The following CHD9 variants were observed in gnomAD, a reference collection of about 807,000 sequenced individuals.
CHD9 encodes the protein chromodomain helicase DNA binding protein 9.
In CHD9, 77 loss-of-function variants were observed where a neutral mutation model predicts 316.1. The observed-to-expected ratio is 0.24, with a 90% CI of 0.20 to 0.29. The LOEUF is 0.29. CHD9 is among the 10% of genes least tolerant of loss of function. The pLI, the probability that CHD9 is intolerant of heterozygous loss-of-function variation, is 1.00. For synonymous variants in CHD9, 1,129 were observed against 1,158.3 expected (o/e 0.97, Z 0.51); for missense variants, 2,763 against 3,438.1 (o/e 0.80, Z 4.91).
At chr16:53,099,705 C>T (rs1226724965) in intron 1 of CHD9, among the ~76,000 whole-genome samples, 4 of 152,188 alleles carry the variant, frequency 2.6e-5, no homozygotes, top group Admixed American at 6.5e-5. Flanking sequence ...AGTCACACAC[C>T]TCCCAGTCAG....
Position 53,292,856 on chromosome 16 carries a change from A to G in CHD9, c.5314A>G (p.Lys1772Glu), listed in dbSNP as rs759355965. Reference protein sequence around the residue: ...DGDGQLMEGDKVYWPTQSALT... With the variant: ...DGDGQLMEGDEVYWPTQSALT... ...AGATGGTCAACTGATGGAGGGTGAT[A>G]AAGTATATTGGCCTACTCAATCAGC... The change falls in exon 29 of 39, where the codon AAA (lysine) becomes GAA (glutamate). Residue 1772 changes from lysine (K) to glutamate (E), a missense_variant. This residue lies in a region of CHD9 where 183 missense variants were observed against 258.5 expected (regional missense o/e 0.71). Coordinates refer to ENST00000447540, the MANE Select transcript of CHD9 (RefSeq NM_001308319.2). 3 of 1,613,592 alleles carry G rather than the reference A, an allele frequency of 1.9e-6. No homozygotes were observed. The Admixed American group carries it at 5.0e-5, about 27-fold the overall frequency.
intron 30 of CHD9, among the ~76,000 whole-genome samples, chr16:53,302,879 T>C (rs1456045049): frequency 2.0e-5 from 3 of 152,210 alleles, no homozygotes; most frequent in Non-Finnish European, 2.9e-5. Context: ...TAACCCACTT[T>C]TGCAAAGGCA....
At chr16:53,178,001 A>G (rs2043201597) in intron 2 of CHD9, among the ~76,000 whole-genome samples, 1 of 152,200 alleles carries the variant, frequency 6.6e-6, no homozygotes, top group Non-Finnish European at 1.5e-5. Context: ...CTAAGCATGC[A>G]CATACTGGCA....
intron 2 of CHD9, among the ~76,000 whole-genome samples, chr16:53,158,883 C>G (rs1051670934): frequency 5.3e-5 from 8 of 152,176 alleles, no homozygotes; most frequent in African/African-American, 1.9e-4. Flanking sequence ...CCAGTCCACT[C>G]TCCTCGGCCT....
At chr16:53,123,171 CTTTT>C (rs61290396) in intron 1 of CHD9, among the ~76,000 whole-genome samples, 1 of 143,894 alleles carries the variant, frequency 6.9e-6, no homozygotes, top group Non-Finnish European at 1.5e-5. Flanking sequence ...CCTGGAATCA[CTTTT>C]TTTTTTTTTT....
chr16:53,227,366 C>G lies in CHD9; in HGVS notation c.2044-30C>G, dbSNP rs753993932. On this transcript the variant is annotated intron_variant, in intron 5 of 38. Transcript: ENST00000447540. ...ACTAAAAGATCTTTCAGAATGTGTTCTGTCATTATTTCTTTCCTCCCTCCC... is the reference window on the plus strand; with the variant it reads ...ACTAAAAGATCTTTCAGAATGTGTTGTGTCATTATTTCTTTCCTCCCTCCC... 4 of 1,433,958 alleles carry G rather than the reference C, an allele frequency of 2.8e-6. No individual in the cohort carries two copies. In the Admixed American group the frequency reaches 8.6e-5, roughly 31 times the overall value. 88.8% of individuals were successfully genotyped at this position (1,433,958 alleles called of 1,614,324 possible). A position where few individuals can be genotyped will look rare whatever the true frequency, so the allele number is the denominator to read the frequency against.
At chr16:53,204,056 TATAC>T (rs1237796011) in intron 2 of CHD9, among the ~76,000 whole-genome samples, 8,504 of 110,518 alleles carry the variant, frequency 0.077, 398 homozygotes, top group South Asian at 0.15. Flanking sequence ...AAAATATATA[TATAC>T]ACACACACAC....
At chr16:53,175,178 A>T (rs955477842) in intron 2 of CHD9, among the ~76,000 whole-genome samples, 4 of 151,844 alleles carry the variant, frequency 2.6e-5, no homozygotes, top group African/African-American at 9.7e-5. Context: ...ATCACTACTC[A>T]TCTAGAACCT....
chr16:53,114,086 TAA>T (rs201295051), intron 1 of CHD9, among the ~76,000 whole-genome samples: 4 of 142,536 alleles, frequency 2.8e-5, no homozygotes, highest in Admixed American at 7.0e-5. Context: ...GTTTTTTCTT[TAA>T]AAAAAAAAAA....
intron 28 of CHD9, 62 bp from the exon 29 acceptor site, chr16:53,292,771 G>T (rs1159379466): frequency 7.4e-7 from 1 of 1,344,168 alleles, no homozygotes; most frequent in Non-Finnish European, 1.0e-6. Flanking sequence ...TAAAGTTGCT[G>T]CTTTTGTGAG....
chr16:53,276,089 C>T lies in CHD9; in HGVS notation c.4967+1787C>T, dbSNP rs145893146. ...CCACATCTTAACACTTACTCACTAG[C>T]CATCACCACTTTCATGCCCCCTCTT... On this transcript the variant is annotated intron_variant, in intron 24 of 38. Transcript: ENST00000447540. 6.6e-4 allele frequency among the ~76,000 whole-genome samples: 101 copies of T among 152,284 alleles called. 1 individual carries two copies. In the East Asian group the frequency reaches 0.019, roughly 28 times the overall value.
In CHD9 at chr16:53,303,734, A is replaced by G. The variant is rs770976534; in HGVS notation, c.5728A>G (p.Asn1910Asp). The change falls in exon 31 of 39, where the codon AAT becomes GAT. Residue 1910 changes from asparagine (N) to aspartate (D), a missense_variant. Around this residue, in one of 15 missense-constraint regions of CHD9, gnomAD observed 663 missense variants for 751.2 expected, o/e 0.88. Coordinates refer to ENST00000447540, the MANE Select transcript of CHD9 (RefSeq NM_001308319.2). ...TCAATATGTAGAATTGGTGGATCCA[A>G]ATATTTTTATCCAGCCCATCACAGA... ...LPSKEELVDP[N>D]IFIQPITEER... 2 of 1,598,308 alleles carry G rather than the reference A, an allele frequency of 1.3e-6. No individual in the cohort carries two copies. The highest frequency in any genetic ancestry group is 1.1e-5 in the South Asian group (1 of 88,192).
intron 13 of CHD9, among the ~76,000 whole-genome samples, chr16:53,244,683 TTC>T (rs1420013148): frequency 1.3e-5 from 2 of 152,180 alleles, no homozygotes; most frequent in Non-Finnish European, 2.9e-5. Flanking sequence ...TTAGAATGTT[TTC>T]TTTTTTTCTA....
At chr16:53,298,218 GCA>G (rs1567644499) in intron 30 of CHD9, 2 of 152,284 alleles carry the variant, frequency 1.3e-5, no homozygotes, top group Non-Finnish European at 2.9e-5. Flanking sequence ...CCTTCCAGTG[GCA>G]CCATGGGGAA....
At chr16:53,193,782 C>T (rs1287527267) in intron 2 of CHD9, among the ~76,000 whole-genome samples, 1 of 152,068 alleles carries the variant, frequency 6.6e-6, no homozygotes, top group Non-Finnish European at 1.5e-5. Flanking sequence ...CATTTAAATT[C>T]ACAGCAACCC....
chr16:53,238,997 T>A (rs906423437), intron 12 of CHD9, among the ~76,000 whole-genome samples: 4 of 152,192 alleles, frequency 2.6e-5, no homozygotes, highest in African/African-American at 9.6e-5. Context: ...CTTAAATGCC[T>A]GTTGAGGTGA....
chr16:53,212,920 G>T (rs187967609), intron 3 of CHD9, among the ~76,000 whole-genome samples: 2 of 152,198 alleles, frequency 1.3e-5, no homozygotes, highest in East Asian at 3.9e-4. Flanking sequence ...TATGCTTAGT[G>T]TTCAGTAAAT....
intron 1 of CHD9, among the ~76,000 whole-genome samples, chr16:53,065,082 A>C (rs961518148): frequency 7.9e-5 from 12 of 152,254 alleles, no homozygotes; most frequent in Non-Finnish European, 1.5e-5. Flanking sequence ...ACTTGTCAGC[A>C]CACTCTTTCT....
At chr16:53,302,297 C>G (rs1470868496) in intron 30 of CHD9, among the ~76,000 whole-genome samples, 1 of 152,102 alleles carries the variant, frequency 6.6e-6, no homozygotes, top group Non-Finnish European at 1.5e-5. Flanking sequence ...GACTTTGATA[C>G]CTTTGAAAAG....
Sources: gnomAD v4.1 joint callset for allele counts (sites outside exome capture counted in the v4.1 genomes callset) on GRCh38, gnomAD v4.1.1 for gene constraint, gnomAD v4.1.1 regional missense constraint, MANE v1.5 for transcripts, NCBI Gene and HGNC (gene_info 2026-07-23, HGNC 2026-07-21) for gene names.